CCND3: variants seen among roughly 807,000 people sequenced by gnomAD.
The protein encoded by CCND3 is cyclin D3.
A neutral mutation model predicts 28.7 loss-of-function variants in CCND3; 9 were observed. The observed-to-expected ratio is 0.31, with a 90% CI of 0.19 to 0.55. The LOEUF is 0.55. Among genes scored for constraint, CCND3 ranks in the 20% least tolerant of loss-of-function variants. The pLI, the probability that CCND3 is intolerant of heterozygous loss-of-function variation, is 0.93. For missense variants in CCND3, 315 were observed against 385.8 expected, an observed-to-expected ratio of 0.82 and a Z score of 1.54; for synonymous variants, 164 against 163.9, an observed-to-expected ratio of 1.00 and a Z score of 0.00.
At chr6:42,041,293 A>G (rs1161984660) in intron 1 of CCND3, among the ~76,000 whole-genome samples, 3 of 152,214 alleles carry the variant, frequency 2.0e-5, no homozygotes, top group Non-Finnish European at 4.4e-5. Context: ...AAAAGGCTGT[A>G]CCCTCGGAGA....
At chr6:42,046,567 G>C (rs562538626) in intron 1 of CCND3, among the ~76,000 whole-genome samples, 5 of 152,106 alleles carry the variant, frequency 3.3e-5, no homozygotes, top group African/African-American at 1.2e-4. Context: ...CATTCCTCCC[G>C]GTTTATTCAT....
intron 1 of CCND3, among the ~76,000 whole-genome samples, chr6:41,972,560 T>C (rs941570652): frequency 6.6e-6 from 1 of 152,072 alleles, no homozygotes; most frequent in South Asian, 2.1e-4. Flanking sequence ...TCCTCCTTTA[T>C]AAAATGGTGG....
chr6:42,000,255 T>TTTTTC (rs1456459040), intron 1 of CCND3, among the ~76,000 whole-genome samples: 1 of 110,644 alleles, frequency 9.0e-6, no homozygotes, highest in African/African-American at 3.4e-5. Context: ...TTTTTTTTTT[T>TTTTTC]TTTTTTGGGA....
At chr6:42,000,013 C>T (rs1762940843) in intron 1 of CCND3, among the ~76,000 whole-genome samples, 1 of 149,802 alleles carries the variant, frequency 6.7e-6, no homozygotes, top group Admixed American at 6.8e-5. Flanking sequence ...TAAGCTTGAT[C>T]AAAGTGATGT....
chr6:42,007,208 T>C (rs1212541368), intron 1 of CCND3, among the ~76,000 whole-genome samples: 5 of 152,246 alleles, frequency 3.3e-5, no homozygotes, highest in Non-Finnish European at 7.3e-5. Flanking sequence ...TTCTATATTG[T>C]ACACTTATTG....
chr6:41,958,908 T>C (rs1473147464), intron 1 of CCND3, among the ~76,000 whole-genome samples: 1 of 152,204 alleles, frequency 6.6e-6, no homozygotes, highest in Non-Finnish European at 1.5e-5. Context: ...AGAAAACAGT[T>C]CTGCAGTTCC....
At chr6:42,017,445 G>A (rs980518806) in intron 1 of CCND3, among the ~76,000 whole-genome samples, 2 of 152,218 alleles carry the variant, frequency 1.3e-5, no homozygotes, top group Admixed American at 6.5e-5. Flanking sequence ...CTCTGCATCT[G>A]GGACTTCTTG....
At chr6:41,951,229 G>A (rs1200331211) in intron 1 of CCND3, among the ~76,000 whole-genome samples, 1 of 151,838 alleles carries the variant, frequency 6.6e-6, no homozygotes, top group Non-Finnish European at 1.5e-5. Flanking sequence ...AACAGCCATG[G>A]TGAAAGAAAT....
In CCND3 at chr6:41,941,800, T is replaced by C. The variant is rs1487709632; in HGVS notation, c.-151A>G. 3.1e-6 allele frequency: 1 copy of C among 323,874 alleles called. No homozygotes were observed. The highest frequency in any genetic ancestry group is 5.4e-6 in the Non-Finnish European group (1 of 186,252). The allele number at this position is 323,874 out of a possible 1,614,324, so 20.1% of individuals were successfully genotyped here. On this transcript the variant is annotated 5_prime_UTR_variant, in exon 1 of 5. Coordinates refer to ENST00000372991, the MANE Select transcript of CCND3 (RefSeq NM_001760.5). The surrounding 1 kb of genome is among the most constrained non-coding windows in gnomAD (Gnocchi z 6.1). ...CCCGCCGCCCGCGCGCGCGCGCCGC[T>C]TCCCTGACAGGCGCCCCGCCCCTCG...
chr6:42,043,687 G>A (rs1424496903), intron 1 of CCND3, among the ~76,000 whole-genome samples: 2 of 152,194 alleles, frequency 1.3e-5, no homozygotes, highest in African/African-American at 4.8e-5. Context: ...GACAGAGTGA[G>A]ACCCTGTCTC....
chr6:42,004,054 T>G (rs1287326079), intron 1 of CCND3, among the ~76,000 whole-genome samples: 1 of 146,560 alleles, frequency 6.8e-6, no homozygotes, highest in African/African-American at 2.5e-5. Context: ...ATCTTAAAAG[T>G]TATATATATA....
intron 1 of CCND3, among the ~76,000 whole-genome samples, chr6:42,023,651 G>A (rs889865417): frequency 3.9e-5 from 6 of 152,036 alleles, no homozygotes; most frequent in Admixed American, 3.3e-4. Flanking sequence ...TAGGGTAGCC[G>A]TATCCTTTGG....
intron 1 of CCND3, among the ~76,000 whole-genome samples, chr6:41,983,235 G>A (rs1005105610): frequency 3.3e-5 from 5 of 151,830 alleles, no homozygotes; most frequent in Admixed American, 6.6e-5. Flanking sequence ...AAAATTAGCC[G>A]GGCATGGTGG....
intron 1 of CCND3, among the ~76,000 whole-genome samples, chr6:42,006,305 A>T (rs1014417176): frequency 4.8e-5 from 3 of 62,514 alleles, no homozygotes; most frequent in African/African-American, 1.2e-4. Context: ...TTAGAGGTTT[A>T]AAAAAAAAAG....
In CCND3 at chr6:42,004,094, A is replaced by AT. The variant is rs59415651; in HGVS notation, c.-46+44406dup. Among the ~76,000 whole-genome samples the AT allele has an allele frequency of 4.8e-3, 630 of 130,620 alleles. 2 individuals are homozygous for AT. Among genetic ancestry groups the AT allele is most frequent in the Middle Eastern group, 0.032 (8 of 252 alleles). 85.7% of individuals were successfully genotyped at this position (130,620 alleles called of 152,430 possible). On this transcript the variant is annotated intron_variant, in intron 1 of 4. Coordinates refer to the CCND3 transcript ENST00000372988. The stretch of plus-strand genomic sequence containing the variant: ...TGTGTGTGTGTGTGTGTGTGTATGT[A>AT]TTTTTTTTTTTTTTTTCCTGAGACA...
chr6:41,976,204 T>G (rs1254338516), intron 1 of CCND3, among the ~76,000 whole-genome samples: 3 of 151,990 alleles, frequency 2.0e-5, no homozygotes, highest in African/African-American at 7.2e-5. Flanking sequence ...ATACAAAAAT[T>G]AGCTGGGCAT....
At chr6:41,968,716 A>C in intron 1 of CCND3, among the ~76,000 whole-genome samples, 1 of 152,190 alleles carries the variant, frequency 6.6e-6, no homozygotes, top group East Asian at 1.9e-4. Flanking sequence ...CTTTTTTCTA[A>C]TACGTTGTGA....
intron 1 of CCND3, among the ~76,000 whole-genome samples, chr6:42,013,593 T>C (rs1763402495): frequency 6.6e-6 from 1 of 152,246 alleles, no homozygotes; most frequent in East Asian, 1.9e-4. Flanking sequence ...TCACACCCAG[T>C]CTTCTAACAA....
chr6:41,966,932 A>G (rs1433615370), intron 1 of CCND3, among the ~76,000 whole-genome samples: 1 of 152,214 alleles, frequency 6.6e-6, no homozygotes, highest in Non-Finnish European at 1.5e-5. Context: ...ACACAAGTTG[A>G]CGCAAGTCTC....
Sources: allele counts gnomAD v4.1 joint callset (sites outside exome capture counted in the v4.1 genomes callset), GRCh38; gene constraint gnomAD v4.1.1; non-coding constraint Gnocchi (gnomAD v3.1); transcripts MANE v1.5; gene names NCBI Gene and HGNC (gene_info 2026-07-23, HGNC 2026-07-21).